The following SAXO1 variants were observed in gnomAD, a reference collection of about 807,000 sequenced individuals.
The protein encoded by SAXO1 is stabilizer of axonemal microtubules 1, also known as 4930500O09Rik.
Under a neutral mutation model 17.5 loss-of-function variants are expected in SAXO1, and 21 were observed. The observed-to-expected ratio is 1.20, with a 90% CI of 0.85 to 1.72. The LOEUF is 1.72. Ranked by LOEUF, SAXO1 falls within the 40% of genes most tolerant of loss-of-function variation. The pLI, the probability that SAXO1 is intolerant of heterozygous loss-of-function variation, is 0.00. For missense variants in SAXO1, 843 were observed against 596.0 expected, an observed-to-expected ratio of 1.41 and a Z score of -4.32; for synonymous variants, 274 against 216.5, an observed-to-expected ratio of 1.27 and a Z score of -2.33.
chr9:19,016,712 T>C (rs1398949573), intron 1 of SAXO1, among the ~76,000 whole-genome samples: 1 of 152,000 alleles, frequency 6.6e-6, no homozygotes, highest in Non-Finnish European at 1.5e-5. Flanking sequence ...TAACCTAAGT[T>C]GAGCCTTTTC....
intron 1 of SAXO1, among the ~76,000 whole-genome samples, chr9:18,986,607 G>C (rs887874057): frequency 1.8e-5 from 2 of 111,120 alleles, no homozygotes; most frequent in African/African-American, 2.6e-5. Context: ...CTTCTCCAAA[G>C]GAGAAAAAAA....
chr9:18,944,882 A>G (rs1318524644), intron 2 of SAXO1, among the ~76,000 whole-genome samples: 1 of 152,228 alleles, frequency 6.6e-6, no homozygotes, highest in African/African-American at 2.4e-5. Flanking sequence ...TTATTTATGC[A>G]AACTTGAAGA....
chr9:18,988,172 TC>T (rs1833670535), intron 1 of SAXO1, among the ~76,000 whole-genome samples: 2 of 152,198 alleles, frequency 1.3e-5, no homozygotes, highest in East Asian at 3.9e-4. Context: ...TTTTGCAACT[TC>T]CTAGCCACAA....
At chr9:19,022,048 G>A (rs929665949) in intron 1 of SAXO1, among the ~76,000 whole-genome samples, 9 of 152,338 alleles carry the variant, frequency 5.9e-5, no homozygotes, top group African/African-American at 2.2e-4. Context: ...TCTTGCTGCT[G>A]CTCACTCCTT....
In SAXO1 at chr9:19,024,010, GGCTTTTTTTTTT is replaced by G. The variant is rs1197484064; in HGVS notation, c.38+8849_38+8860del. Among the ~76,000 whole-genome samples the G allele has an allele frequency of 2.8e-5, 3 of 105,642 alleles. No individual in the cohort carries two copies. The East Asian group carries it at 8.3e-4, about 29-fold the overall frequency. 69.3% of individuals were successfully genotyped at this position (105,642 alleles called of 152,430 possible). ...AAGAAGAAGAAATGCTACTCTTTAA[GGCTTTTTTTTTT>G]TTTTTTTTTTTTTTTTTTTTGCGGG... On this transcript the variant is annotated intron_variant, in intron 1 of 3. Transcript: ENST00000380534.
intron 1 of SAXO1, among the ~76,000 whole-genome samples, chr9:19,011,584 GA>G (rs1834732199): frequency 6.6e-6 from 1 of 152,166 alleles, no homozygotes; most frequent in South Asian, 2.1e-4. Context: ...CAAATTGGTG[GA>G]AAGTAGGGTC....
chr9:19,004,118 C>T (rs573913162), intron 1 of SAXO1, among the ~76,000 whole-genome samples: 1 of 152,234 alleles, frequency 6.6e-6, no homozygotes, highest in South Asian at 2.1e-4. Flanking sequence ...ATGCAGCCAA[C>T]AGACATATGA....
intron 1 of SAXO1, among the ~76,000 whole-genome samples, chr9:19,008,221 G>A (rs1834570146): frequency 6.6e-6 from 1 of 152,066 alleles, no homozygotes; most frequent in Non-Finnish European, 1.5e-5. Flanking sequence ...CAAGCGATCT[G>A]CCCACTTTGG....
chr9:18,965,438 A>G lies in SAXO1; in HGVS notation c.39-14501T>C, dbSNP rs1040724811. 2.6e-5 allele frequency among the ~76,000 whole-genome samples: 4 copies of G among 152,138 alleles called. No individual in the cohort carries two copies. The East Asian group carries it at 7.7e-4, about 29-fold the overall frequency. On this transcript the variant is annotated intron_variant, in intron 1 of 3. Transcript: ENST00000380534. ...GCTTTATGAATCTGGGTGCTCCTGT[A>G]TTGGGTGCATATATATTTAGGATAG...
intron 1 of SAXO1, among the ~76,000 whole-genome samples, chr9:18,962,488 T>C (rs6475283): frequency 0.58 from 87,704 of 152,136 alleles, 28,004 homozygotes; most frequent in Non-Finnish European, 0.72. Flanking sequence ...CACTTTTTGA[T>C]GGGTGAATTT....
At chr9:18,954,331 G>C (rs1377885660) in intron 1 of SAXO1, among the ~76,000 whole-genome samples, 2 of 149,838 alleles carry the variant, frequency 1.3e-5, no homozygotes, top group Non-Finnish European at 3.0e-5. Context: ...CTCCAAGCTA[G>C]AATCACAGAA....
At chr9:18,953,897 G>C (rs1832138711) in intron 1 of SAXO1, among the ~76,000 whole-genome samples, 2 of 152,344 alleles carry the variant, frequency 1.3e-5, no homozygotes, top group Admixed American at 1.3e-4. Flanking sequence ...GGGAAAGACA[G>C]ATTTCTCAAC....
At chr9:19,015,460 C>G (rs1444799503) in intron 1 of SAXO1, among the ~76,000 whole-genome samples, 2 of 152,188 alleles carry the variant, frequency 1.3e-5, no homozygotes, top group Non-Finnish European at 2.9e-5. Context: ...TCTCATGCCT[C>G]CACTTCCCAA....
intron 1 of SAXO1, among the ~76,000 whole-genome samples, chr9:18,991,314 C>A (rs1563966023): frequency 6.6e-6 from 1 of 152,152 alleles, no homozygotes; most frequent in African/African-American, 2.4e-5. Flanking sequence ...TGGGAACCAA[C>A]CCAAATGTCC....
rs568383748 is a variant in SAXO1, at chr9:18,944,123, A to T, written c.219-2284T>A. On this transcript the variant is annotated intron_variant, in intron 2 of 3. Transcript: ENST00000380534. Reference sequence around the variant, plus strand: ...ACAAAAGCCAATCGCCTTTTCCAGTATAAAATTTAAGTTCCTTTGTAAGTG... The same window carrying T: ...ACAAAAGCCAATCGCCTTTTCCAGTTTAAAATTTAAGTTCCTTTGTAAGTG... 3.3e-5 allele frequency among the ~76,000 whole-genome samples: 5 copies of T among 152,298 alleles called. No homozygotes were observed. In the East Asian group the frequency reaches 9.6e-4, roughly 29 times the overall value.
chr9:19,029,552 G>A (rs10811103), intron 1 of SAXO1, among the ~76,000 whole-genome samples: 73,168 of 151,938 alleles, frequency 0.48, 19,309 homozygotes, highest in African/African-American at 0.71. Flanking sequence ...CATCCCAACC[G>A]GTCACTGAGC....
intron 3 of SAXO1, among the ~76,000 whole-genome samples, chr9:18,933,690 G>A (rs1237622164): frequency 2.0e-5 from 3 of 152,146 alleles, no homozygotes; most frequent in Admixed American, 2.0e-4. Context: ...TTTCAAAACT[G>A]TGAATATGCA....
At chr9:19,030,782 C>G (rs1835729709) in intron 1 of SAXO1, among the ~76,000 whole-genome samples, 2 of 152,142 alleles carry the variant, frequency 1.3e-5, no homozygotes, top group South Asian at 4.1e-4. Context: ...AAAATTTTCA[C>G]CCAGGGTGAA....
At chr9:18,971,164 G>C (rs1049309203) in intron 1 of SAXO1, among the ~76,000 whole-genome samples, 2 of 152,174 alleles carry the variant, frequency 1.3e-5, no homozygotes, top group Non-Finnish European at 2.9e-5. Flanking sequence ...TTCTGCAGCA[G>C]CAAGTGGCGG....
Sources: allele counts gnomAD v4.1 joint callset (sites outside exome capture counted in the v4.1 genomes callset), GRCh38; gene constraint gnomAD v4.1.1; transcripts MANE v1.5; gene names NCBI Gene and HGNC (gene_info 2026-07-23, HGNC 2026-07-21).